The following HS3ST5 variants were observed in gnomAD, a reference collection of about 807,000 sequenced individuals.
HS3ST5 encodes heparan sulfate-glucosamine 3-sulfotransferase 5, also known as heparan sulfate glucosamine 3-O-sulfotransferase 5.
HS3ST5 carries 10 observed loss-of-function variants against 25.4 expected under a neutral mutation model. That is an observed-to-expected ratio of 0.39 (90% confidence interval 0.24 to 0.67). HS3ST5 has a LOEUF of 0.67. Among genes scored for constraint, HS3ST5 ranks in the 30% least tolerant of loss-of-function variants. The pLI is 0.44. For missense variants in HS3ST5, 324 were observed against 420.7 expected, an observed-to-expected ratio of 0.77 and a Z score of 2.01; for synonymous variants, 170 against 162.4, an observed-to-expected ratio of 1.05 and a Z score of -0.36.
chr6:114,068,103 A>G (rs188631200), intron 3 of HS3ST5, among the ~76,000 whole-genome samples: 8 of 152,358 alleles, frequency 5.3e-5, no homozygotes, highest in Admixed American at 5.2e-4. Flanking sequence ...TTTCATAAAC[A>G]GTATACGGAA....
intron 3 of HS3ST5, among the ~76,000 whole-genome samples, chr6:114,168,146 G>C (rs1334114781): frequency 6.6e-6 from 1 of 152,084 alleles, no homozygotes; most frequent in South Asian, 2.1e-4. Context: ...TTTCTATGTG[G>C]GCAATACTGA....
chr6:114,174,357 G>A lies in HS3ST5; in HGVS notation c.-144-5895C>T, dbSNP rs1316743817. ...GATGCAATTATCTCTTTACTGGCCTGTACCCCCACCAGAGTGTAAGCAGCA... is the reference window on the plus strand; with the variant it reads ...GATGCAATTATCTCTTTACTGGCCTATACCCCCACCAGAGTGTAAGCAGCA... On this transcript the variant is annotated intron_variant, in intron 2 of 4. Coordinates refer to ENST00000312719, the MANE Select transcript of HS3ST5 (RefSeq NM_153612.4). Among the ~76,000 whole-genome samples the A allele has an allele frequency of 2.6e-5, 4 of 152,018 alleles. No homozygotes were observed. The East Asian group carries it at 5.8e-4, about 22-fold the overall frequency.
intron 1 of HS3ST5, chr6:114,230,079 C>T (rs934250298): frequency 6.7e-6 from 1 of 148,172 alleles, no homozygotes; most frequent in African/African-American, 2.5e-5. Flanking sequence ...TTTCATGATG[C>T]AGAGTCAAAA....
At chr6:114,182,316 A>T (rs1463777800) in intron 2 of HS3ST5, among the ~76,000 whole-genome samples, 1 of 152,340 alleles carries the variant, frequency 6.6e-6, no homozygotes, top group Admixed American at 6.5e-5. Context: ...GTTTTCTTTC[A>T]TCATTGAAAA....
intron 3 of HS3ST5, among the ~76,000 whole-genome samples, chr6:114,122,852 A>G (rs757027414): frequency 1.3e-5 from 2 of 152,246 alleles, no homozygotes; most frequent in African/African-American, 2.4e-5. Flanking sequence ...TGAACTTCCA[A>G]TCTGCAGTGA....
chr6:114,248,888 A>G (rs1772511156), intron 1 of HS3ST5, among the ~76,000 whole-genome samples: 1 of 152,258 alleles, frequency 6.6e-6, no homozygotes, highest in Non-Finnish European at 1.5e-5. Context: ...AGGATTGCCT[A>G]TAGTATCATA....
chr6:114,127,385 T>C (rs1006816778), intron 3 of HS3ST5, among the ~76,000 whole-genome samples: 1 of 152,224 alleles, frequency 6.6e-6, no homozygotes, highest in South Asian at 2.1e-4. Flanking sequence ...CTGTAAGTTA[T>C]TACCATGATC....
intron 1 of HS3ST5, among the ~76,000 whole-genome samples, chr6:114,299,116 C>G (rs1745581): frequency 0.63 from 95,145 of 151,954 alleles, 30,053 homozygotes; most frequent in Non-Finnish European, 0.66. Context: ...TCTCAGCAAG[C>G]AACATCCCTG....
At chr6:114,279,230 T>A (rs1773996776) in intron 1 of HS3ST5, among the ~76,000 whole-genome samples, 2 of 152,002 alleles carry the variant, frequency 1.3e-5, no homozygotes, top group Non-Finnish European at 2.9e-5. Context: ...CAGGAATGTA[T>A]TTCTGTCTGT....
At chr6:114,193,193 G>A (rs1582700798) in intron 2 of HS3ST5, among the ~76,000 whole-genome samples, 1 of 152,176 alleles carries the variant, frequency 6.6e-6, no homozygotes, top group Admixed American at 6.5e-5. Context: ...AAAGCTACCT[G>A]CTTCATAAGC....
intron 1 of HS3ST5, among the ~76,000 whole-genome samples, chr6:114,267,129 GA>G (rs923005553): frequency 6.6e-6 from 1 of 151,936 alleles, no homozygotes; most frequent in South Asian, 2.1e-4. Flanking sequence ...GGAGGTATGG[GA>G]AAAAAATCAA....
At chr6:114,091,542 G>A (rs1220288252) in intron 3 of HS3ST5, among the ~76,000 whole-genome samples, 3 of 152,052 alleles carry the variant, frequency 2.0e-5, no homozygotes, top group Non-Finnish European at 4.4e-5. Flanking sequence ...AAATTAGCTG[G>A]GCATCGTGGT....
At chr6:114,127,954 AAT>A (rs1398015032) in intron 3 of HS3ST5, among the ~76,000 whole-genome samples, 3 of 150,572 alleles carry the variant, frequency 2.0e-5, no homozygotes, top group African/African-American at 7.3e-5. Context: ...ATATAAAATA[AAT>A]ATATATGTGT....
chr6:114,241,231 A>G (rs921096481), intron 1 of HS3ST5, among the ~76,000 whole-genome samples: 2 of 146,548 alleles, frequency 1.4e-5, no homozygotes, highest in African/African-American at 2.5e-5. Flanking sequence ...TAATTGCTTT[A>G]GTAAAATTAC....
At chr6:114,161,985 A>G (rs1778995560) in intron 3 of HS3ST5, among the ~76,000 whole-genome samples, 1 of 152,108 alleles carries the variant, frequency 6.6e-6, no homozygotes, top group Non-Finnish European at 1.5e-5. Context: ...TAATTTAGAA[A>G]TCTAAATTAA....
chr6:114,055,833 C>T lies in HS3ST5; in HGVS notation c.*1424G>A, dbSNP rs1171596667. 2 of 152,134 alleles carry T rather than the reference C, an allele frequency of 1.3e-5. No homozygotes were observed. The highest frequency in any genetic ancestry group is 2.9e-5 in the Non-Finnish European group (2 of 68,024). The allele number at this position is 152,134 out of a possible 1,614,324, so 9.4% of individuals were successfully genotyped here. ...CATCTTTTTGTTGTCGTTGTTAATA[C>T]CCCTTTCCACATTTTACTGAATATA... On this transcript the variant is annotated 3_prime_UTR_variant, in exon 5 of 5. Transcript: ENST00000312719.
rs143082977 is a variant in HS3ST5, at chr6:114,152,369, T to A, written c.-33+15982A>T. ...CACATCTATGCTGCACATACCACTC[T>A]GATAATCCATTAACTGTTAACACTC... On this transcript the variant is annotated intron_variant, in intron 3 of 4. Transcript: ENST00000312719. Among the ~76,000 whole-genome samples, 963 of 152,306 alleles carry A rather than the reference T, an allele frequency of 6.3e-3. 5 individuals carry two copies. Among genetic ancestry groups the A allele is most frequent in the Middle Eastern group, 0.014 (4 of 294 alleles).
chr6:114,183,548 T>C (rs981681470), intron 2 of HS3ST5, among the ~76,000 whole-genome samples: 7 of 152,202 alleles, frequency 4.6e-5, no homozygotes, highest in African/African-American at 1.7e-4. Flanking sequence ...TATAATCTCC[T>C]ATTGGTTCTG....
intron 3 of HS3ST5, among the ~76,000 whole-genome samples, chr6:114,091,016 T>C (rs148564383): frequency 1.2e-4 from 18 of 152,344 alleles, no homozygotes; most frequent in African/African-American, 4.3e-4. Flanking sequence ...AAATACTTTC[T>C]GTGGGGAGAA....
Sources: allele counts gnomAD v4.1 joint callset (sites outside exome capture counted in the v4.1 genomes callset), GRCh38; gene constraint gnomAD v4.1.1; transcripts MANE v1.5; gene names NCBI Gene and HGNC (gene_info 2026-07-23, HGNC 2026-07-21).